The following MACROD2 variants were observed in gnomAD, a reference collection of about 807,000 sequenced individuals.
MACROD2 encodes ADP-ribose glycohydrolase MACROD2.
A neutral mutation model predicts 70.4 loss-of-function variants in MACROD2; 36 were observed. The observed-to-expected ratio is 0.51, with a 90% CI of 0.39 to 0.68. The LOEUF (loss-of-function observed/expected upper bound fraction) is 0.68, where lower values mean the gene tolerates loss of function less well. MACROD2 is among the 30% of genes least tolerant of loss of function. MACROD2 has a pLI of 0.00. For synonymous variants in MACROD2, 172 were observed against 178.8 expected, an observed-to-expected ratio of 0.96 and a Z score of 0.30; for missense variants, 496 against 538.4, an observed-to-expected ratio of 0.92 and a Z score of 0.78.
intron 3 of MACROD2, among the ~76,000 whole-genome samples, chr20:14,448,676 A>G (rs13040987): frequency 0.13 from 19,477 of 146,710 alleles, 1,772 homozygotes; most frequent in Non-Finnish European, 0.2. Context: ...TCAGAAAAAA[A>G]AAAGAAAGAA....
In MACROD2 at chr20:15,807,174, C is replaced by A. The variant is rs150663792; in HGVS notation, c.646-55571C>A. Among the ~76,000 whole-genome samples, 36 of 152,318 alleles carry A rather than the reference C, an allele frequency of 2.4e-4. No individual in the cohort carries two copies. In the East Asian group the frequency reaches 6.9e-3, roughly 29 times the overall value. On this transcript the variant is annotated intron_variant, in intron 8 of 17. Transcript: ENST00000684519. ...TTATCTCTTCCACTGGAGAATCCAG[C>A]TGATTACACTGACTTCCACCAATAA...
intron 8 of MACROD2, among the ~76,000 whole-genome samples, chr20:15,804,310 T>C (rs916414637): frequency 5.9e-5 from 9 of 152,236 alleles, no homozygotes; most frequent in Admixed American, 4.6e-4. Flanking sequence ...TGTCCTTATG[T>C]GTATACGAAA....
At chr20:14,723,237 C>T (rs2071490674) in intron 5 of MACROD2, among the ~76,000 whole-genome samples, 1 of 152,090 alleles carries the variant, frequency 6.6e-6, no homozygotes, top group South Asian at 2.1e-4. Flanking sequence ...CACGCGTTAG[C>T]TGGGCTGCAG....
intron 5 of MACROD2, among the ~76,000 whole-genome samples, chr20:15,170,229 A>G (rs2076413642): frequency 6.6e-6 from 1 of 152,206 alleles, no homozygotes; most frequent in African/African-American, 2.4e-5. Flanking sequence ...TAGAGCATGT[A>G]TTGTTCAGGG....
rs115391736 is a variant in MACROD2, at chr20:15,428,587, C to G, written c.541-2818C>G. 7.3e-3 allele frequency among the ~76,000 whole-genome samples: 1,117 copies of G among 152,280 alleles called. 18 individuals are homozygous for G. The highest frequency in any genetic ancestry group is 0.025 in the African/African-American group (1,042 of 41,564). ...CACACCTTGTTAAACTAACTCTTGT[C>G]TTTCTTATCACTTCACCCAATTAAC... On this transcript the variant is annotated intron_variant, in intron 6 of 17. Coordinates refer to ENST00000684519, the MANE Select transcript of MACROD2 (RefSeq NM_001351661.2).
chr20:15,355,338 C>A (rs2078274662), intron 6 of MACROD2, among the ~76,000 whole-genome samples: 6 of 152,126 alleles, frequency 3.9e-5, no homozygotes, highest in African/African-American at 1.4e-4. Context: ...ATTGCTACAC[C>A]TATAATTACA....
At chr20:14,146,957 A>C (rs188777798) in intron 3 of MACROD2, among the ~76,000 whole-genome samples, 1 of 152,282 alleles carries the variant, frequency 6.6e-6, no homozygotes, top group East Asian at 1.9e-4. Flanking sequence ...TTTTGTATGT[A>C]TATAGTAAGT....
chr20:14,776,371 A>G (rs761336240), intron 5 of MACROD2, among the ~76,000 whole-genome samples: 36 of 152,094 alleles, frequency 2.4e-4, no homozygotes, highest in Admixed American at 7.2e-4. Context: ...AATGAAAGTT[A>G]TATTGTTCTC....
At chr20:15,061,682 C>T (rs1386373030) in intron 5 of MACROD2, among the ~76,000 whole-genome samples, 5 of 152,032 alleles carry the variant, frequency 3.3e-5, no homozygotes, top group African/African-American at 7.2e-5. Flanking sequence ...ATTAAGGATT[C>T]GTTTAGGTTA....
intron 8 of MACROD2, among the ~76,000 whole-genome samples, chr20:15,831,271 A>G (rs933644345): frequency 1.3e-5 from 2 of 152,204 alleles, no homozygotes; most frequent in East Asian, 1.9e-4. Context: ...CCAAAGTAAT[A>G]TCAAGGAAGG....
intron 8 of MACROD2, among the ~76,000 whole-genome samples, chr20:15,600,515 T>G (rs942555658): frequency 2.0e-5 from 3 of 152,240 alleles, no homozygotes; most frequent in Non-Finnish European, 4.4e-5. Context: ...CTTCTTTCTC[T>G]ATCTCTTTTG....
intron 3 of MACROD2, among the ~76,000 whole-genome samples, chr20:14,345,584 C>T (rs893753728): frequency 1.3e-5 from 2 of 151,900 alleles, no homozygotes; most frequent in East Asian, 1.9e-4. Flanking sequence ...GAACGCACCA[C>T]CATGCCTGGC....
intron 8 of MACROD2, among the ~76,000 whole-genome samples, chr20:15,747,960 G>A (rs1385874444): frequency 6.6e-6 from 1 of 151,788 alleles, no homozygotes; most frequent in Admixed American, 6.6e-5. Context: ...TGTTTTATAG[G>A]GTTTTGTCCT....
intron 2 of MACROD2, among the ~76,000 whole-genome samples, chr20:14,067,586 TA>T (rs2053780799): frequency 6.6e-6 from 1 of 152,232 alleles, no homozygotes; most frequent in Non-Finnish European, 1.5e-5. Flanking sequence ...TGCATTATTA[TA>T]TAAGCTTTAG....
At chr20:14,102,027 G>C (rs1187620521) in intron 3 of MACROD2, among the ~76,000 whole-genome samples, 1 of 122,282 alleles carries the variant, frequency 8.2e-6, no homozygotes, top group Non-Finnish European at 1.6e-5. Flanking sequence ...TTTTTAAGAC[G>C]GAGTCTCACT....
chr20:15,258,823 A>T (rs6034135), intron 6 of MACROD2, among the ~76,000 whole-genome samples: 17,007 of 152,126 alleles, frequency 0.11, 1,121 homozygotes, highest in African/African-American at 0.16. Context: ...GAACCAGTAA[A>T]GTGATAGAAC....
At chr20:15,949,017 A>G (rs1045770811) in intron 12 of MACROD2, among the ~76,000 whole-genome samples, 1 of 152,206 alleles carries the variant, frequency 6.6e-6, no homozygotes, top group African/African-American at 2.4e-5. Context: ...TCCTTGTGAT[A>G]ATTTTCAAAT....
intron 6 of MACROD2, among the ~76,000 whole-genome samples, chr20:15,240,057 G>A (rs910801338): frequency 6.6e-6 from 1 of 152,148 alleles, no homozygotes; most frequent in African/African-American, 2.4e-5. Flanking sequence ...CAGAGAAGAT[G>A]TAAGGCCAAA....
chr20:15,217,284 A>G (rs1211096883), intron 5 of MACROD2, among the ~76,000 whole-genome samples: 1 of 152,198 alleles, frequency 6.6e-6, no homozygotes, highest in Non-Finnish European at 1.5e-5. Context: ...AGTACTAGTG[A>G]TAAGTAGTAC....
Sources: gnomAD v4.1 joint callset for allele counts (sites outside exome capture counted in the v4.1 genomes callset) on GRCh38, gnomAD v4.1.1 for gene constraint, MANE v1.5 for transcripts, NCBI Gene and HGNC (gene_info 2026-07-23, HGNC 2026-07-21) for gene names.